Variants in KAZN observed in about 807,000 individuals in gnomAD.
KAZN encodes kazrin.
KAZN carries 40 observed loss-of-function variants against 87.4 expected under a neutral mutation model. That is an observed-to-expected ratio of 0.46 (90% CI 0.36 to 0.60). The LOEUF (loss-of-function observed/expected upper bound fraction) is 0.60. Among genes scored for constraint, KAZN ranks in the 20% least tolerant of loss-of-function variants. KAZN has a pLI of 0.00. For missense variants in KAZN, 898 were observed against 1,073.9 expected, an observed-to-expected ratio of 0.84 and a Z score of 2.29; for synonymous variants, 466 against 458.3, an observed-to-expected ratio of 1.02 and a Z score of -0.22.
chr1:13,931,847 T>A (rs1434057509), intron 1 of KAZN, among the ~76,000 whole-genome samples: 3 of 152,132 alleles, frequency 2.0e-5, no homozygotes, highest in South Asian at 2.1e-4. Context: ...ATAGCTTAAG[T>A]TTTTCTTTGA....
At chr1:14,317,446 A>T (rs1655730473) in intron 2 of KAZN, among the ~76,000 whole-genome samples, 1 of 151,972 alleles carries the variant, frequency 6.6e-6, no homozygotes, top group East Asian at 1.9e-4. Context: ...TACATAATAC[A>T]TAATTGGTTC....
At chr1:14,886,649 G>C (rs1474133525) in intron 1 of KAZN, among the ~76,000 whole-genome samples, 1 of 152,134 alleles carries the variant, frequency 6.6e-6, no homozygotes, top group African/African-American at 2.4e-5. Context: ...AAATTAGCCA[G>C]GAGTGGTGGC....
chr1:14,987,519 G>T (rs1325835140), intron 2 of KAZN, among the ~76,000 whole-genome samples: 4 of 152,222 alleles, frequency 2.6e-5, no homozygotes, highest in Middle Eastern at 3.4e-3. Context: ...GTTCACTCTG[G>T]AACAGGAGCC....
chr1:14,498,452 G>C (rs925874697), intron 2 of KAZN, among the ~76,000 whole-genome samples: 2 of 152,202 alleles, frequency 1.3e-5, no homozygotes, highest in Non-Finnish European at 2.9e-5. Context: ...AGCACTTTGG[G>C]AGGCCGAGGC....
At chr1:14,703,551 A>T (rs1443693257) in intron 1 of KAZN, among the ~76,000 whole-genome samples, 1 of 152,202 alleles carries the variant, frequency 6.6e-6, no homozygotes. Context: ...CTGTGAGTCA[A>T]TTAAATCTTT....
At chr1:14,477,274 A>C (rs1571745610) in intron 2 of KAZN, among the ~76,000 whole-genome samples, 1 of 152,162 alleles carries the variant, frequency 6.6e-6, no homozygotes, top group African/African-American at 2.4e-5. Flanking sequence ...GTAAGATGTG[A>C]CTTGCTCCTC....
At chr1:14,637,430 G>C (rs1680074455) in intron 1 of KAZN, among the ~76,000 whole-genome samples, 1 of 152,174 alleles carries the variant, frequency 6.6e-6, no homozygotes, top group Non-Finnish European at 1.5e-5. Flanking sequence ...GGAAAACTGA[G>C]GCTCGGAAAG....
intron 1 of KAZN, among the ~76,000 whole-genome samples, chr1:14,093,211 A>C (rs747604255): frequency 2.6e-5 from 4 of 152,132 alleles, no homozygotes; most frequent in African/African-American, 4.8e-5. Context: ...ATCCTCATCA[A>C]GTAATTAAAT....
intron 2 of KAZN, among the ~76,000 whole-genome samples, chr1:15,000,258 G>T (rs1668335494): frequency 6.6e-6 from 1 of 150,642 alleles, no homozygotes. Context: ...CTAAAGGCTG[G>T]GAAAGGCAAG....
chr1:14,150,794 A>G (rs1645455432), intron 1 of KAZN, among the ~76,000 whole-genome samples: 1 of 152,218 alleles, frequency 6.6e-6, no homozygotes. Context: ...CATGCTTACT[A>G]CACTCTTCCA....
At chr1:14,025,231 C>A (rs1343024763) in intron 1 of KAZN, among the ~76,000 whole-genome samples, 1 of 152,204 alleles carries the variant, frequency 6.6e-6, no homozygotes, top group African/African-American at 2.4e-5. Context: ...TAGAGTCTTA[C>A]TGTTCCTCTG....
At chr1:14,314,099 C>T (rs1381884230) in intron 2 of KAZN, among the ~76,000 whole-genome samples, 1 of 152,154 alleles carries the variant, frequency 6.6e-6, no homozygotes, top group Non-Finnish European at 1.5e-5. Flanking sequence ...AACACTTTAG[C>T]TCCCATGGGC....
chr1:14,523,654 T>C (rs1671701929), intron 2 of KAZN, among the ~76,000 whole-genome samples: 1 of 152,198 alleles, frequency 6.6e-6, no homozygotes, highest in Non-Finnish European at 1.5e-5. Flanking sequence ...AATATTTCTT[T>C]GTACATTCCA....
At chr1:14,247,992 G>A (rs138896412) in intron 2 of KAZN, among the ~76,000 whole-genome samples, 77 of 152,212 alleles carry the variant, frequency 5.1e-4, no homozygotes, top group African/African-American at 1.8e-3. Context: ...TAACGCAATC[G>A]GTGCTTGTTT....
At chr1:14,083,348 T>C (rs2101597057) in intron 1 of KAZN, among the ~76,000 whole-genome samples, 1 of 152,368 alleles carries the variant, frequency 6.6e-6, no homozygotes, top group African/African-American at 2.4e-5. Context: ...AATCAATATG[T>C]GTGTTCTGGA....
At chr1:14,857,026 G>C (rs915844724) in intron 1 of KAZN, among the ~76,000 whole-genome samples, 1 of 152,194 alleles carries the variant, frequency 6.6e-6, no homozygotes, top group African/African-American at 2.4e-5. Flanking sequence ...GTTTGGGATT[G>C]GATGTCAGGG....
chr1:14,247,830 T>G (rs1052556223), intron 2 of KAZN, among the ~76,000 whole-genome samples: 2 of 152,154 alleles, frequency 1.3e-5, no homozygotes, highest in East Asian at 1.9e-4. Flanking sequence ...TTTGCTTTTT[T>G]TTTTGGGTGT....
intron 1 of KAZN, among the ~76,000 whole-genome samples, chr1:14,779,627 TATTG>T (rs1399151152): frequency 6.6e-6 from 1 of 152,246 alleles, no homozygotes; most frequent in Non-Finnish European, 1.5e-5. Context: ...GGCTGGTTAC[TATTG>T]ATTATCTGCT....
chr1:14,310,443 G>A (rs1655205605), intron 2 of KAZN, among the ~76,000 whole-genome samples: 1 of 152,144 alleles, frequency 6.6e-6, no homozygotes, highest in South Asian at 2.1e-4. Context: ...TGTACTCAAT[G>A]ACTTAAAGAG....
Sources: gnomAD v4.1 joint callset for allele counts (sites outside exome capture counted in the v4.1 genomes callset) on GRCh38, gnomAD v4.1.1 for gene constraint, MANE v1.5 for transcripts, NCBI Gene and HGNC (gene_info 2026-07-23, HGNC 2026-07-21) for gene names.